TMEM87A: variants seen among roughly 807,000 people sequenced by gnomAD.
TMEM87A encodes the protein transmembrane protein 87A.
TMEM87A carries 50 observed loss-of-function variants against 90.0 expected under a neutral mutation model. The ratio of observed to expected loss-of-function variants is 0.56; its 90% CI spans 0.44 to 0.70. TMEM87A has a LOEUF of 0.70. Among genes scored for constraint, TMEM87A ranks in the 30% least tolerant of loss-of-function variants. TMEM87A has a pLI of 0.00. For missense variants in TMEM87A, 577 were observed against 660.5 expected (o/e 0.87, Z 1.39); for synonymous variants, 226 against 226.7 (o/e 1.00, Z 0.03).
chr15:42,226,802 G>A lies in TMEM87A; in HGVS notation c.1403+4C>T. On this transcript the variant is annotated splice_donor_region_variant and intron_variant, in intron 15 of 19. Coordinates refer to ENST00000389834, the MANE Select transcript of TMEM87A (RefSeq NM_015497.5). ...TAGCAGAGTAAACAGAAGAGTCCAA[G>A]AACCTCTGGTTGTTTGCAGATGGTC... 1 of 1,613,360 alleles carries A rather than the reference G, an allele frequency of 6.2e-7. No homozygotes were observed.
At chr15:42,251,100 A>C (rs1187516686) in intron 6 of TMEM87A, among the ~76,000 whole-genome samples, 1 of 152,066 alleles carries the variant, frequency 6.6e-6, no homozygotes, top group Non-Finnish European at 1.5e-5. Context: ...CAGGTCATTT[A>C]AGGTCTTCTC....
chr15:42,263,192 T>C (rs1339775450), intron 4 of TMEM87A, among the ~76,000 whole-genome samples: 1 of 152,208 alleles, frequency 6.6e-6, no homozygotes, highest in African/African-American at 2.4e-5. Context: ...ATGTGGTACA[T>C]ACATACAATA....
intron 6 of TMEM87A, among the ~76,000 whole-genome samples, chr15:42,254,931 G>T (rs1418778406): frequency 6.6e-6 from 1 of 150,544 alleles, no homozygotes; most frequent in African/African-American, 2.4e-5. Context: ...GAGGCTAAGT[G>T]TATAGGTATA....
At chr15:42,264,699 A>ATATATATATTTTTTT (rs10681614) in intron 3 of TMEM87A, among the ~76,000 whole-genome samples, 2,852 of 109,344 alleles carry the variant, frequency 0.026, 76 homozygotes, top group Non-Finnish European at 0.037. Flanking sequence ...ATATATATAT[A>ATATATATATTTTTTT]TTTTTTTTTT....
chr15:42,265,970 C>G (rs1259268414), intron 3 of TMEM87A, among the ~76,000 whole-genome samples: 1 of 152,162 alleles, frequency 6.6e-6, no homozygotes, highest in Non-Finnish European at 1.5e-5. Flanking sequence ...AATAGGGAGT[C>G]CTTTCCCCAT....
At chr15:42,247,894 A>T (rs1301736705) in intron 6 of TMEM87A, among the ~76,000 whole-genome samples, 1 of 152,056 alleles carries the variant, frequency 6.6e-6, no homozygotes, top group East Asian at 1.9e-4. Context: ...CCATTTTCAC[A>T]ATATTGATTC....
At chr15:42,226,105 T>C (rs1391526129) in intron 15 of TMEM87A, among the ~76,000 whole-genome samples, 1 of 152,118 alleles carries the variant, frequency 6.6e-6, no homozygotes, top group Non-Finnish European at 1.5e-5. Flanking sequence ...GTTCAAGCGA[T>C]TCTCCTGCCT....
upstream of TMEM87A, chr15:42,273,516 GTTT>G (rs1332752038): frequency 2.5e-5 from 38 of 1,495,612 alleles, 1 homozygote; most frequent in South Asian, 3.8e-4. Flanking sequence ...CGCGGAGCTT[GTTT>G]GCTGTGCGGC....
Position 42,267,981 on chromosome 15 carries a change from C to T in TMEM87A, c.257G>A (p.Ser86Asn). 1 of 1,613,628 alleles carries T rather than the reference C, an allele frequency of 6.2e-7. No homozygotes were observed. Among genetic ancestry groups the T allele is most frequent in the Non-Finnish European group, 8.5e-7 (1 of 1,179,786 alleles). The change falls in exon 3 of 20, where the codon AGC (serine) becomes AAC (asparagine). Residue 86 changes from serine (S) to asparagine (N), a missense_variant. Physicochemically the swap from Ser to Asn is conservative, Grantham distance 46 (BLOSUM62 1). Transcript: ENST00000389834. ...ATAGATTTCATTGTAACAATCAGCG[C>T]TTTTCAGATACCAGGTTATATTCAA... ...LSLNITWYLK[S>N]ADCYNEIYNF...
chr15:42,213,833 A>C (rs1185728977), intron 19 of TMEM87A, among the ~76,000 whole-genome samples: 1 of 152,140 alleles, frequency 6.6e-6, no homozygotes, highest in Non-Finnish European at 1.5e-5. Flanking sequence ...AGAATTAAGG[A>C]AAATAGAGAA....
intron 19 of TMEM87A, 116 bp downstream of exon 19, chr15:42,217,680 ATATAAAC>A: frequency 2.4e-6 from 2 of 843,372 alleles, no homozygotes; most frequent in South Asian, 3.5e-5. Context: ...CTTTTCAACT[ATATAAAC>A]TATAGTTTTC....
At chr15:42,273,542 C>G, upstream of TMEM87A, 2 of 1,391,166 alleles carry the variant, frequency 1.4e-6, no homozygotes, top group Non-Finnish European at 1.9e-6. Flanking sequence ...AGCGGCCCCT[C>G]TCTCAGACAG....
chr15:42,233,197 A>G lies in TMEM87A; in HGVS notation c.1062+16T>C. Reference sequence around the variant, plus strand: ...AATTGAACTGACCACAGAAAATGAGATTAAGCAGTACTAACCCCAGTAACT... The same window carrying G: ...AATTGAACTGACCACAGAAAATGAGGTTAAGCAGTACTAACCCCAGTAACT... On this transcript the variant is annotated intron_variant, in intron 11 of 19. Coordinates refer to ENST00000389834, the MANE Select transcript of TMEM87A (RefSeq NM_015497.5). 2 of 1,596,416 alleles carry G rather than the reference A, an allele frequency of 1.3e-6. No individual in the cohort carries two copies. The highest frequency in any genetic ancestry group is 1.3e-5 in the African/African-American group (1 of 74,612).
intron 6 of TMEM87A, among the ~76,000 whole-genome samples, chr15:42,255,065 A>G (rs986663637): frequency 2.0e-5 from 3 of 151,618 alleles, no homozygotes; most frequent in Admixed American, 6.6e-5. Context: ...CCTGGGCTCA[A>G]GTGATCCTCA....
chr15:42,214,345 G>C (rs1056220543), intron 19 of TMEM87A, among the ~76,000 whole-genome samples: 11 of 152,220 alleles, frequency 7.2e-5, no homozygotes, highest in African/African-American at 2.7e-4. Context: ...TATGAGGCCA[G>C]CATTACCCTA....
chr15:42,256,910 G>A (rs552254977), intron 6 of TMEM87A, among the ~76,000 whole-genome samples: 1 of 152,026 alleles, frequency 6.6e-6, no homozygotes, highest in East Asian at 1.9e-4. Context: ...TAGAGACGAG[G>A]TTTCACCATA....
intron 11 of TMEM87A, chr15:42,232,840 T>C (rs768659555): frequency 6.4e-6 from 1 of 156,210 alleles, no homozygotes; most frequent in South Asian, 1.9e-4. Context: ...ACAGTTACTT[T>C]AGATTAGATT....
intron 6 of TMEM87A, 91 bp from the exon 7 acceptor site, chr15:42,244,258 G>T: frequency 2.4e-6 from 2 of 844,392 alleles, no homozygotes; most frequent in Non-Finnish European, 3.7e-6. Context: ...TCCAGAATGT[G>T]CCCAGAAATA....
intron 15 of TMEM87A, among the ~76,000 whole-genome samples, chr15:42,225,844 T>C (rs1039817125): frequency 2.0e-5 from 3 of 151,626 alleles, no homozygotes; most frequent in African/African-American, 7.3e-5. Flanking sequence ...GTTGACACAA[T>C]AGATTATATA....
Sources: allele counts gnomAD v4.1 joint callset (sites outside exome capture counted in the v4.1 genomes callset), GRCh38; gene constraint gnomAD v4.1.1; transcripts MANE v1.5; gene names NCBI Gene and HGNC (gene_info 2026-07-23, HGNC 2026-07-21).